Variants in ARHGAP42 observed in about 807,000 individuals in gnomAD.
The protein encoded by ARHGAP42 is Rho GTPase activating protein 42, also known as rho GTPase-activating protein 42.
A neutral mutation model predicts 125.0 loss-of-function variants in ARHGAP42; 63 were observed. The observed-to-expected ratio is 0.50, with a 90% CI of 0.41 to 0.62. The LOEUF is 0.62. ARHGAP42 is among the 20% of genes least tolerant of loss of function. The pLI, the probability that ARHGAP42 is intolerant of heterozygous loss-of-function variation, is 0.00. For missense variants in ARHGAP42, 766 were observed against 1,024.2 expected (o/e 0.75, Z 3.44); for synonymous variants, 339 against 351.0 (o/e 0.97, Z 0.38).
intron 8 of ARHGAP42, among the ~76,000 whole-genome samples, chr11:100,936,836 A>G (rs1867750862): frequency 6.6e-6 from 1 of 152,222 alleles, no homozygotes; most frequent in Non-Finnish European, 1.5e-5. Flanking sequence ...ATTGCCTCAC[A>G]CTAAGGACAT....
At chr11:100,693,612 A>G (rs7947643) in intron 1 of ARHGAP42, among the ~76,000 whole-genome samples, 25,628 of 152,026 alleles carry the variant, frequency 0.17, 2,268 homozygotes, top group East Asian at 0.25. Context: ...TTTTCAGCCC[A>G]TTGTAATTAA....
intron 10 of ARHGAP42, among the ~76,000 whole-genome samples, chr11:100,946,313 T>C (rs796496408): frequency 2.4e-4 from 36 of 152,174 alleles, no homozygotes; most frequent in African/African-American, 8.2e-4. Flanking sequence ...AGTAGTAAGG[T>C]TGTTTTGATT....
At chr11:100,713,043 C>T (rs1011858630) in intron 1 of ARHGAP42, among the ~76,000 whole-genome samples, 1 of 151,614 alleles carries the variant, frequency 6.6e-6, no homozygotes, top group South Asian at 2.1e-4. Flanking sequence ...GTGGTAAGCA[C>T]GTGGTTTTTG....
intron 1 of ARHGAP42, among the ~76,000 whole-genome samples, chr11:100,706,190 T>A (rs1861480776): frequency 6.6e-6 from 1 of 152,186 alleles, no homozygotes. Context: ...ATTTTGTGAT[T>A]TTGTAAATAA....
intron 3 of ARHGAP42, among the ~76,000 whole-genome samples, chr11:100,837,229 A>G (rs1864809810): frequency 6.6e-6 from 1 of 152,142 alleles, no homozygotes; most frequent in Non-Finnish European, 1.5e-5. Context: ...AGACACAGAT[A>G]TTCACTTATA....
At chr11:100,752,322 A>G (rs891564915) in intron 1 of ARHGAP42, among the ~76,000 whole-genome samples, 2 of 152,192 alleles carry the variant, frequency 1.3e-5, no homozygotes, top group African/African-American at 2.4e-5. Flanking sequence ...AAGGCCCTTC[A>G]TGAGCACCAG....
At chr11:100,757,809 C>T (rs1373701531) in intron 1 of ARHGAP42, among the ~76,000 whole-genome samples, 3 of 152,074 alleles carry the variant, frequency 2.0e-5, no homozygotes, top group Admixed American at 6.6e-5. Context: ...CCTTTACTTC[C>T]CTGGCAGCCC....
chr11:100,923,995 T>A (rs1474466988), intron 6 of ARHGAP42, among the ~76,000 whole-genome samples: 1 of 152,160 alleles, frequency 6.6e-6, no homozygotes, highest in Non-Finnish European at 1.5e-5. Flanking sequence ...AGAAAAGTAG[T>A]AAACCAAAGC....
At chr11:100,779,584 A>ATATATACG (rs1863248870) in intron 2 of ARHGAP42, among the ~76,000 whole-genome samples, 1 of 93,762 alleles carries the variant, frequency 1.1e-5, no homozygotes, top group African/African-American at 3.3e-5. Context: ...ATATATACAT[A>ATATATACG]TATACGTGTA....
intron 1 of ARHGAP42, among the ~76,000 whole-genome samples, chr11:100,745,976 G>A (rs554368574): frequency 3.9e-5 from 6 of 152,270 alleles, no homozygotes; most frequent in Non-Finnish European, 7.4e-5. Flanking sequence ...ATGTGGGAAT[G>A]GAAAGACCCA....
At chr11:100,891,075 C>G (rs1330039829) in intron 4 of ARHGAP42, among the ~76,000 whole-genome samples, 1 of 152,152 alleles carries the variant, frequency 6.6e-6, no homozygotes, top group African/African-American at 2.4e-5. Context: ...TCTGGACCAA[C>G]TGAGTAGATG....
chr11:100,899,722 G>GTTTTGTTTTTTTTTT (rs1414222333), intron 4 of ARHGAP42, among the ~76,000 whole-genome samples: 4 of 67,188 alleles, frequency 6.0e-5, no homozygotes, highest in East Asian at 3.4e-4. Flanking sequence ...TTTGTGTTTT[G>GTTTTGTTTTTTTTTT]TTTTTTTTTT....
chr11:100,787,668 A>T (rs10895015), intron 2 of ARHGAP42, among the ~76,000 whole-genome samples: 13,217 of 152,162 alleles, frequency 0.087, 889 homozygotes, highest in African/African-American at 0.19. Flanking sequence ...GTGCCTGGGT[A>T]CCTGTGCAAT....
intron 8 of ARHGAP42, among the ~76,000 whole-genome samples, chr11:100,937,526 G>A (rs1206220642): frequency 6.6e-6 from 1 of 152,158 alleles, no homozygotes; most frequent in Non-Finnish European, 1.5e-5. Flanking sequence ...TCATGTGACA[G>A]TACATTGAGA....
chr11:100,745,914 G>T (rs1300323925), intron 1 of ARHGAP42, among the ~76,000 whole-genome samples: 1 of 152,058 alleles, frequency 6.6e-6, no homozygotes, highest in Admixed American at 6.5e-5. Flanking sequence ...TTTGATTTCG[G>T]GCTTTAAATT....
At chr11:100,805,662 G>A (rs1022053730) in intron 3 of ARHGAP42, among the ~76,000 whole-genome samples, 7 of 152,162 alleles carry the variant, frequency 4.6e-5, no homozygotes, top group Non-Finnish European at 1.0e-4. Flanking sequence ...CTAAACAAGG[G>A]GTGGAGTATT....
intron 12 of ARHGAP42, among the ~76,000 whole-genome samples, chr11:100,956,031 T>C (rs1857796166): frequency 6.6e-6 from 1 of 152,132 alleles, no homozygotes; most frequent in African/African-American, 2.4e-5. Flanking sequence ...TCTTGTCCTC[T>C]TCTCAGACCT....
At chr11:100,935,054 A>G (rs1220577964) in intron 7 of ARHGAP42, among the ~76,000 whole-genome samples, 2 of 152,070 alleles carry the variant, frequency 1.3e-5, no homozygotes, top group Non-Finnish European at 2.9e-5. Context: ...GAAGTAAGGA[A>G]TTGGAGAAAA....
chr11:100,898,549 T>A (rs2135204341), intron 4 of ARHGAP42, among the ~76,000 whole-genome samples: 1 of 152,340 alleles, frequency 6.6e-6, no homozygotes, highest in East Asian at 1.9e-4. Flanking sequence ...GAGATTCATC[T>A]TCTTCCTGGT....
Sources: gnomAD v4.1 joint callset for allele counts (sites outside exome capture counted in the v4.1 genomes callset) on GRCh38, gnomAD v4.1.1 for gene constraint, MANE v1.5 for transcripts, NCBI Gene and HGNC (gene_info 2026-07-23, HGNC 2026-07-21) for gene names.